SYT14: variants seen among roughly 807,000 people sequenced by gnomAD.
The protein encoded by SYT14 is synaptotagmin-14.
Under a neutral mutation model 74.2 loss-of-function variants are expected in SYT14, and 32 were observed. The observed-to-expected ratio is 0.43, with a 90% CI of 0.33 to 0.58. The LOEUF (loss-of-function observed/expected upper bound fraction) is 0.58. Ranked by LOEUF, SYT14 falls within the 20% of genes least tolerant of loss-of-function variation. The pLI, the probability that SYT14 is intolerant of heterozygous loss-of-function variation, is 0.05. For missense variants in SYT14, 791 were observed against 981.8 expected (o/e 0.81, Z 2.60); for synonymous variants, 298 against 337.7 (o/e 0.88, Z 1.29).
intron 7 of SYT14, among the ~76,000 whole-genome samples, chr1:210,102,862 G>T (rs1480054981): frequency 6.6e-6 from 1 of 151,046 alleles, no homozygotes; most frequent in Non-Finnish European, 1.5e-5. Flanking sequence ...TTTTTTTTTA[G>T]AAATCGAGTC....
At position 210,048,918 on chromosome 1, in the gene SYT14, G is replaced by A. The variant is rs143946055; in HGVS notation, c.1312+27664G>A. Reference sequence around the variant, plus strand: ...AATGGGAGAAATTCACCAAAACAAAGGGGCTACAGGCCCCATGCAAGTTTA... The same window carrying A: ...AATGGGAGAAATTCACCAAAACAAAAGGGCTACAGGCCCCATGCAAGTTTA... On this transcript the variant is annotated intron_variant, in intron 5 of 9. Coordinates refer to ENST00000637265, the Ensembl canonical transcript of SYT14. Among the ~76,000 whole-genome samples the A allele has an allele frequency of 1.6e-3, 241 of 152,320 alleles. 1 individual carries two copies. The highest frequency in any genetic ancestry group is 2.6e-3 in the Non-Finnish European group (174 of 68,028).
In SYT14 at chr1:209,959,986, T is replaced by G. The variant is rs145878914; in HGVS notation, c.-486+7230T>G. On this transcript the variant is annotated intron_variant, in intron 2 of 9. Coordinates refer to ENST00000637265, the Ensembl canonical transcript of SYT14. Reference sequence around the variant, plus strand: ...TATTCTTAACCAGCTCCTCTTTTTATGCAAAAGTTTCCATTACCTGAAATT... The same window carrying G: ...TATTCTTAACCAGCTCCTCTTTTTAGGCAAAAGTTTCCATTACCTGAAATT... Among the ~76,000 whole-genome samples the G allele has an allele frequency of 3.8e-3, 586 of 152,308 alleles. 5 individuals carry two copies. The highest frequency in any genetic ancestry group is 0.014 in the African/African-American group (568 of 41,574).
chr1:210,126,265 G>T (rs902389312), intron 7 of SYT14, among the ~76,000 whole-genome samples: 1 of 151,258 alleles, frequency 6.6e-6, no homozygotes, highest in Non-Finnish European at 1.5e-5. Flanking sequence ...GTGCTTCCGT[G>T]TACTGGGTGC....
intron 7 of SYT14, among the ~76,000 whole-genome samples, chr1:210,147,037 G>A (rs900996385): frequency 2.0e-5 from 3 of 152,062 alleles, no homozygotes; most frequent in Non-Finnish European, 2.9e-5. Flanking sequence ...GGAAGAATTG[G>A]TCCACCATGA....
intron 8 of SYT14, 101 bp from the exon 8 acceptor site, chr1:210,159,320 G>A (rs1193953131): frequency 2.6e-6 from 3 of 1,142,362 alleles, no homozygotes; most frequent in Non-Finnish European, 3.9e-6. Context: ...CCACTCCAGT[G>A]AACAGTGTTT....
intron 7 of SYT14, among the ~76,000 whole-genome samples, chr1:210,104,874 A>G (rs764129715): frequency 5.3e-5 from 8 of 152,176 alleles, no homozygotes; most frequent in Non-Finnish European, 1.0e-4. Flanking sequence ...TCTTTATTAA[A>G]TCCTTGGTTT....
chr1:209,993,906 A>T (rs2079739383), intron 2 of SYT14, among the ~76,000 whole-genome samples: 1 of 152,198 alleles, frequency 6.6e-6, no homozygotes, highest in African/African-American at 2.4e-5. Flanking sequence ...GCAACACCAA[A>T]AATCTGCTGA....
At chr1:210,162,064 C>A (rs1482062482) in exon 10 of SYT14, 3 of 442,472 alleles carry the variant, frequency 6.8e-6, no homozygotes, top group Non-Finnish European at 1.4e-5. Context: ...CTCTCTAAAT[C>A]TTCACTCTTA....
intron 9 of SYT14, 135 bp from the exon 9 acceptor site, chr1:210,160,594 T>C: frequency 1.3e-6 from 1 of 749,882 alleles, no homozygotes; most frequent in South Asian, 1.9e-5. Context: ...AAAATGGAAT[T>C]GGTCGAATGT....
intron 6 of SYT14, among the ~76,000 whole-genome samples, chr1:210,097,309 G>C (rs1359722420): frequency 1.3e-5 from 2 of 152,138 alleles, no homozygotes; most frequent in East Asian, 3.9e-4. Flanking sequence ...GAGGAGAGAA[G>C]GTTCAGAAGA....
At chr1:210,126,934 T>G (rs988352885) in intron 7 of SYT14, among the ~76,000 whole-genome samples, 1 of 152,196 alleles carries the variant, frequency 6.6e-6, no homozygotes, top group Non-Finnish European at 1.5e-5. Context: ...TACTAAATTG[T>G]GTGAGTGACA....
chr1:209,938,791 C>G (rs1172730475), intron 1 of SYT14, among the ~76,000 whole-genome samples: 1 of 152,064 alleles, frequency 6.6e-6, no homozygotes, highest in Non-Finnish European at 1.5e-5. Context: ...CGGGCTGATG[C>G]TGGGTTACAC....
At chr1:210,128,966 T>A (rs2102632901) in intron 7 of SYT14, among the ~76,000 whole-genome samples, 1 of 152,350 alleles carries the variant, frequency 6.6e-6, no homozygotes. Flanking sequence ...TTTTACTGCC[T>A]TTGTTTTCCT....
intron 2 of SYT14, among the ~76,000 whole-genome samples, chr1:210,002,261 G>T (rs2079914905): frequency 6.6e-6 from 1 of 151,950 alleles, no homozygotes; most frequent in South Asian, 2.1e-4. Flanking sequence ...AAGCCCCCGT[G>T]CACTCTTCCT....
At chr1:210,062,853 A>G (rs1278140597) in intron 5 of SYT14, among the ~76,000 whole-genome samples, 2 of 151,658 alleles carry the variant, frequency 1.3e-5, no homozygotes, top group Non-Finnish European at 3.0e-5. Context: ...TTAGTTTTTT[A>G]TAGTTTATGT....
intron 5 of SYT14, among the ~76,000 whole-genome samples, chr1:210,056,921 T>C (rs2081110526): frequency 6.6e-6 from 1 of 152,016 alleles, no homozygotes; most frequent in South Asian, 2.1e-4. Flanking sequence ...CTCGTCTCAC[T>C]GCAACCTCCA....
At chr1:210,111,816 C>T (rs1486743783) in intron 7 of SYT14, among the ~76,000 whole-genome samples, 1 of 151,294 alleles carries the variant, frequency 6.6e-6, no homozygotes, top group African/African-American at 2.5e-5. Flanking sequence ...TAGAGAGTGC[C>T]TAAGGGGGTT....
At chr1:210,021,131 C>A in exon 5 of SYT14, 1 of 1,613,968 alleles carries the variant, frequency 6.2e-7, no homozygotes, top group Non-Finnish European at 8.5e-7. Context: ...ATCCAGAACA[C>A]ACAATTCCAG....
rs56322652 is a variant in SYT14, at chr1:210,159,475, G to A, written c.2279G>A (p.Arg760Gln). 1.3e-5 allele frequency: 20 copies of A among 1,551,360 alleles called. No individual in the cohort carries two copies. Among genetic ancestry groups the A allele is most frequent in the Non-Finnish European group, 1.7e-5 (19 of 1,146,790 alleles). Residue 760 changes from arginine to glutamine, a missense_variant and splice_region_variant, in exon 9 of 10, where the codon CGA becomes CAA. Coordinates refer to ENST00000637265, the Ensembl canonical transcript of SYT14. ...ATAGGTGGACAGGTTTATATAATCC[G>A]AGGTGAGTTCCTGTAGAGGCTAATT...
Sources: allele counts gnomAD v4.1 joint callset (sites outside exome capture counted in the v4.1 genomes callset), GRCh38; gene constraint gnomAD v4.1.1; transcripts MANE v1.5; gene names NCBI Gene and HGNC (gene_info 2026-07-23, HGNC 2026-07-21).